The following DNAH6 variants were observed in gnomAD, a reference collection of about 807,000 sequenced individuals.
DNAH6 encodes the protein axonemal beta dynein heavy chain 6.
DNAH6 carries 340 observed loss-of-function variants against 491.4 expected under a neutral mutation model. The ratio of observed to expected loss-of-function variants is 0.69; its 90% CI spans 0.63 to 0.76. The LOEUF is 0.76. DNAH6 is among the 30% of genes least tolerant of loss of function. The probability of loss-of-function intolerance (pLI) is 0.00; values close to 1 mark genes in which losing one functional copy is unlikely to be tolerated. For missense variants in DNAH6, 4,443 were observed against 4,972.2 expected, an observed-to-expected ratio of 0.89 and a Z score of 3.20; for synonymous variants, 1,603 against 1,686.1, an observed-to-expected ratio of 0.95 and a Z score of 1.21.
At chr2:84,556,052 A>C (rs944940247) in intron 10 of DNAH6, among the ~76,000 whole-genome samples, 7 of 152,152 alleles carry the variant, frequency 4.6e-5, no homozygotes, top group African/African-American at 1.7e-4. Flanking sequence ...CCTGCTTAAA[A>C]TTTCTCCATT....
chr2:84,727,589 C>T (rs1314862153), intron 60 of DNAH6, 80 bp from the exon 61 acceptor site: 9 of 853,060 alleles, frequency 1.1e-5, no homozygotes, highest in East Asian at 5.3e-5. Flanking sequence ...TCACTGAATG[C>T]GAACAAGGGA....
intron 21 of DNAH6, among the ~76,000 whole-genome samples, chr2:84,609,125 A>G (rs1029003843): frequency 2.0e-5 from 3 of 152,184 alleles, no homozygotes; most frequent in African/African-American, 7.2e-5. Flanking sequence ...GCCTCAGACT[A>G]GGCTTTGGCT....
At chr2:84,592,692 T>C (rs1684221896) in intron 16 of DNAH6, among the ~76,000 whole-genome samples, 1 of 152,170 alleles carries the variant, frequency 6.6e-6, no homozygotes, top group African/African-American at 2.4e-5. Context: ...AAAATGTCCA[T>C]CAGCAGATGA....
chr2:84,572,329 C>T (rs1681981028), intron 11 of DNAH6, among the ~76,000 whole-genome samples: 1 of 152,100 alleles, frequency 6.6e-6, no homozygotes, highest in African/African-American at 2.4e-5. Flanking sequence ...TGTACTATTC[C>T]AGTAACACTC....
chr2:84,753,384 G>A (rs548205131), intron 63 of DNAH6, among the ~76,000 whole-genome samples: 1 of 152,092 alleles, frequency 6.6e-6, no homozygotes, highest in East Asian at 1.9e-4. Context: ...TAATTTTGAT[G>A]ATGTCCAGTT....
chr2:84,501,631 A>T, the DNAH6 span, among the ~76,000 whole-genome samples: 1 of 135,084 alleles, frequency 7.4e-6, no homozygotes, highest in Admixed American at 7.8e-5. Context: ...AGTTTGGTAA[A>T]ATTCAGCAGT....
At chr2:84,466,327 A>G in the DNAH6 span, among the ~76,000 whole-genome samples, 3 of 152,216 alleles carry the variant, frequency 2.0e-5, no homozygotes, top group Non-Finnish European at 4.4e-5. Flanking sequence ...AATTTCTCCA[A>G]TTGTGTCCTG....
chr2:84,621,309 AG>A lies in DNAH6; in HGVS notation c.3915del (p.Lys1306AsnfsTer2). 1 of 1,551,566 alleles carries A rather than the reference AG, an allele frequency of 6.4e-7. No homozygotes were observed. The highest frequency in any genetic ancestry group is 8.7e-7 in the Non-Finnish European group (1 of 1,146,862). ...RLCKAAIADYQGKLRTDWVVA... is the reference protein window; with the variant it reads ...RLCKAAIADYXGKLRTDWVVA... ...TGCAAAGCTGCCATCGCTGACTATCAGGGGAAACTGAGGACAGACTGGGTGG... is the reference window on the plus strand; with the variant it reads ...TGCAAAGCTGCCATCGCTGACTATCAGGGAAACTGAGGACAGACTGGGTGG... On this transcript the variant is annotated frameshift_variant, in exon 25 of 77. Coordinates refer to ENST00000389394, the MANE Select transcript of DNAH6 (RefSeq NM_001370.2). LOFTEE classifies it high-confidence loss of function.
Position 84,815,984 on chromosome 2 carries a change from G to C in DNAH6, c.12274G>C (p.Val4092Leu). The change falls in exon 76 of 77, where the codon GTG (valine) becomes CTG (leucine). Residue 4092 changes from valine to leucine, a missense_variant. Val to Leu is a conservative substitution (Grantham distance 32). Coordinates refer to ENST00000389394, the MANE Select transcript of DNAH6 (RefSeq NM_001370.2). ...PGQMNPVLPV[V>L]HFEPQQNYKP... Reference sequence around the variant, plus strand: ...ACAGATGAATCCAGTGCTGCCTGTGGTGCATTTTGAACCACAACAAAACTA... The same window carrying C: ...ACAGATGAATCCAGTGCTGCCTGTGCTGCATTTTGAACCACAACAAAACTA... The C allele has an allele frequency of 1.3e-6, 2 of 1,551,864 alleles. No individual in the cohort carries two copies. Among genetic ancestry groups the C allele is most frequent in the East Asian group, 4.9e-5 (2 of 40,918 alleles).
At chr2:84,555,518 G>A (rs1015041676) in intron 10 of DNAH6, among the ~76,000 whole-genome samples, 13 of 151,918 alleles carry the variant, frequency 8.6e-5, no homozygotes, top group African/African-American at 3.1e-4. Flanking sequence ...TTCTTTCTGG[G>A]TGCTTTTTTC....
At chr2:84,664,321 A>C (rs1406140244) in intron 37 of DNAH6, among the ~76,000 whole-genome samples, 1 of 152,196 alleles carries the variant, frequency 6.6e-6, no homozygotes, top group Non-Finnish European at 1.5e-5. Flanking sequence ...ATAAAGAGTC[A>C]AGACCCATCG....
rs557250089 is a variant in DNAH6, at chr2:84,528,304, C to T, written c.400-600C>T. Among the ~76,000 whole-genome samples the T allele has an allele frequency of 3.9e-5, 6 of 152,246 alleles. No individual in the cohort carries two copies. The East Asian group carries it at 1.2e-3, about 29-fold the overall frequency. ...TCAAAATTTGCATTTTAATAAGAAACTCTGGTAATTCATTGCACATTTAAA... is the reference window on the plus strand; with the variant it reads ...TCAAAATTTGCATTTTAATAAGAAATTCTGGTAATTCATTGCACATTTAAA... On this transcript the variant is annotated intron_variant, in intron 3 of 76. Transcript: ENST00000389394.
In DNAH6 at chr2:84,819,396, GC is replaced by G; in HGVS notation, c.12466del (p.Leu4156Ter). Reference protein sequence around the residue: ...IAKGSALLCQLSE With the variant: ...IAKGSALLCQXSE ...CCAAGGGATCAGCTTTGCTCTGCCA[GC>G]TGAGCGAATGAAAAGGTGCCACCTC... On this transcript the variant is annotated frameshift_variant, in exon 77 of 77. Transcript: ENST00000389394. LOFTEE classifies it high-confidence loss of function. 1.3e-6 allele frequency: 2 copies of G among 1,550,652 alleles called. No homozygotes were observed. The highest frequency in any genetic ancestry group is 1.7e-6 in the Non-Finnish European group (2 of 1,146,384).
At chr2:84,466,549 G>T in the DNAH6 span, among the ~76,000 whole-genome samples, 3 of 152,098 alleles carry the variant, frequency 2.0e-5, no homozygotes, top group Admixed American at 2.0e-4. Context: ...CAAAACAAAG[G>T]ATCAGCAATA....
intron 33 of DNAH6, among the ~76,000 whole-genome samples, chr2:84,651,177 T>A (rs1056485936): frequency 6.6e-6 from 1 of 152,072 alleles, no homozygotes. Flanking sequence ...GTGGTAAAAG[T>A]CCTGACTCTC....
chr2:84,611,693 A>G lies in DNAH6; in HGVS notation c.3314A>G (p.Gln1105Arg). ...NQTLEEWLTC[Q>R]RNWLYLESIF... ...TCCTAGGAAGAGTGGCTGACCTGCC[A>G]GAGAAACTGGCTCTACCTAGAAAGT... Residue 1105 changes from glutamine (Q) to arginine (R), a missense_variant, in exon 22 of 77, where the codon CAG (glutamine) becomes CGG (arginine). Gln to Arg is a conservative substitution (Grantham distance 43). Transcript: ENST00000389394. 2 of 1,550,830 alleles carry G rather than the reference A, an allele frequency of 1.3e-6. No homozygotes were observed. The highest frequency in any genetic ancestry group is 1.7e-6 in the Non-Finnish European group (2 of 1,146,470).
chr2:84,777,387 C>G (rs1291258223), intron 64 of DNAH6: 1 of 448,238 alleles, frequency 2.2e-6, no homozygotes, highest in African/African-American at 2.0e-5. Context: ...ATGCAAGGAA[C>G]ATTAAGGAAG....
chr2:84,472,260 C>T, the DNAH6 span, among the ~76,000 whole-genome samples: 5 of 151,916 alleles, frequency 3.3e-5, no homozygotes, highest in Admixed American at 2.6e-4. Context: ...CCACTATTGC[C>T]TGTCCTTGTG....
intron 74 of DNAH6, 30 bp downstream of exon 74, chr2:84,813,160 G>A: frequency 2.0e-6 from 3 of 1,495,108 alleles, no homozygotes; most frequent in Non-Finnish European, 2.7e-6. Flanking sequence ...AAACCCCATA[G>A]GAATGGCCAT....
Sources: allele counts gnomAD v4.1 joint callset (sites outside exome capture counted in the v4.1 genomes callset), GRCh38; gene constraint gnomAD v4.1.1; transcripts MANE v1.5; gene names NCBI Gene and HGNC (gene_info 2026-07-23, HGNC 2026-07-21).